The following LRMDA variants were observed in gnomAD, a reference collection of about 807,000 sequenced individuals.
LRMDA encodes the protein leucine-rich melanocyte differentiation-associated protein.
In LRMDA, 18 loss-of-function variants were observed where a neutral mutation model predicts 29.8. The ratio of observed to expected loss-of-function variants is 0.60; its 90% confidence interval spans 0.42 to 0.90. The LOEUF (loss-of-function observed/expected upper bound fraction) is 0.90. LRMDA is among the 40% of genes least tolerant of loss of function. The probability of loss-of-function intolerance (pLI) is 0.00; values close to 1 mark genes in which losing one functional copy is unlikely to be tolerated. For missense variants in LRMDA, 273 were observed against 273.9 expected (o/e 1.00, Z 0.02); for synonymous variants, 125 against 109.4 (o/e 1.14, Z -0.89).
rs147537608 is a variant in LRMDA, at chr10:75,523,341, G to T, written c.131+84847G>T. Among the ~76,000 whole-genome samples the T allele has an allele frequency of 1.2e-4, 19 of 152,320 alleles. No individual in the cohort carries two copies. The East Asian group carries it at 3.5e-3, about 28-fold the overall frequency. ...ATCCCATAACTACATGGTGGCTTAT[G>T]TGGGGGTTGGTGCTAAGCTTGCAGA... On this transcript the variant is annotated intron_variant, in intron 2 of 6. Coordinates refer to ENST00000611255, the MANE Select transcript of LRMDA (RefSeq NM_001305581.2).
At chr10:75,444,122 T>C (rs1844362103) in intron 2 of LRMDA, among the ~76,000 whole-genome samples, 1 of 152,224 alleles carries the variant, frequency 6.6e-6, no homozygotes, top group Non-Finnish European at 1.5e-5. Flanking sequence ...TTCTGGACTT[T>C]TGTTTGAAGT....
intron 2 of LRMDA, among the ~76,000 whole-genome samples, chr10:75,890,404 G>T (rs1370397867): frequency 6.6e-6 from 1 of 152,174 alleles, no homozygotes; most frequent in Non-Finnish European, 1.5e-5. Flanking sequence ...TAATAAAGAG[G>T]TAATATCAGG....
chr10:76,308,884 A>G (rs1452316819), intron 5 of LRMDA, among the ~76,000 whole-genome samples: 1 of 152,192 alleles, frequency 6.6e-6, no homozygotes, highest in African/African-American at 2.4e-5. Context: ...CTGCAGTCAA[A>G]CAAATCAATT....
chr10:76,055,096 A>G (rs1303149727), intron 4 of LRMDA, among the ~76,000 whole-genome samples: 1 of 141,660 alleles, frequency 7.1e-6, no homozygotes, highest in East Asian at 2.1e-4. Context: ...AAAAAAAAAG[A>G]AAAAGAAAAG....
At chr10:76,493,039 T>C (rs1273325122) in intron 6 of LRMDA, among the ~76,000 whole-genome samples, 1 of 151,992 alleles carries the variant, frequency 6.6e-6, no homozygotes, top group African/African-American at 2.4e-5. Flanking sequence ...CCACATGTGA[T>C]TGTTCAAGGC....
intron 2 of LRMDA, among the ~76,000 whole-genome samples, chr10:75,905,508 T>C (rs1273908164): frequency 6.6e-6 from 1 of 152,044 alleles, no homozygotes; most frequent in Non-Finnish European, 1.5e-5. Context: ...TCTTTAAAAA[T>C]TATATGAATG....
chr10:75,579,022 A>G (rs925868002), intron 2 of LRMDA, among the ~76,000 whole-genome samples: 16 of 152,188 alleles, frequency 1.1e-4, no homozygotes, highest in African/African-American at 3.1e-4. Flanking sequence ...AAGCAGGAGC[A>G]AACAAATTCA....
At chr10:76,235,571 C>T (rs1317685216) in intron 5 of LRMDA, among the ~76,000 whole-genome samples, 1 of 152,096 alleles carries the variant, frequency 6.6e-6, no homozygotes, top group Non-Finnish European at 1.5e-5. Context: ...GAATAGGTGA[C>T]AGCCTGCGAC....
chr10:76,140,644 C>G (rs1238077928), intron 5 of LRMDA, among the ~76,000 whole-genome samples: 1 of 152,030 alleles, frequency 6.6e-6, no homozygotes, highest in Non-Finnish European at 1.5e-5. Context: ...AGCTTCAGAA[C>G]CAAAGACTTT....
chr10:76,209,522 A>T (rs1315767592), intron 5 of LRMDA, among the ~76,000 whole-genome samples: 1 of 152,138 alleles, frequency 6.6e-6, no homozygotes, highest in Non-Finnish European at 1.5e-5. Context: ...GAGGGACTGG[A>T]TGTTACCATG....
intron 2 of LRMDA, among the ~76,000 whole-genome samples, chr10:75,823,698 G>A (rs1844202931): frequency 1.2e-5 from 1 of 80,364 alleles, no homozygotes; most frequent in African/African-American, 3.1e-5. Context: ...GTGTGTGTGT[G>A]TGTGTGTGTG....
chr10:75,571,554 T>C (rs1195270927), intron 2 of LRMDA, among the ~76,000 whole-genome samples: 3 of 152,224 alleles, frequency 2.0e-5, no homozygotes, highest in Non-Finnish European at 4.4e-5. Flanking sequence ...TAAAGGCCGA[T>C]GTTAGGATCC....
At chr10:75,812,934 C>A (rs908881502) in intron 2 of LRMDA, among the ~76,000 whole-genome samples, 3 of 152,138 alleles carry the variant, frequency 2.0e-5, no homozygotes. Context: ...CCCAGATGAA[C>A]CAAAGTAGGA....
rs142781864 is a variant in LRMDA at position 76,453,811 on chromosome 10, T to C, written c.602-103398T>C. On this transcript the variant is annotated intron_variant, in intron 6 of 6. Transcript: ENST00000611255. ...TGGCTGATTAGGGTTCTAATGTTCA[T>C]AATTGTACCATTTGATGCATTAAGA... Among the ~76,000 whole-genome samples the C allele has an allele frequency of 3.2e-3, 494 of 152,368 alleles. 1 individual carries two copies. Among genetic ancestry groups the C allele is most frequent in the African/African-American group, 0.011 (475 of 41,594 alleles).
At chr10:75,506,695 T>C (rs1845172024) in intron 2 of LRMDA, among the ~76,000 whole-genome samples, 1 of 152,240 alleles carries the variant, frequency 6.6e-6, no homozygotes, top group Non-Finnish European at 1.5e-5. Context: ...CAGCGCCATG[T>C]TGGTCCCTTG....
chr10:76,007,019 T>TGTGTGTGTGTGC (rs1847679336), intron 2 of LRMDA, among the ~76,000 whole-genome samples: 8 of 129,988 alleles, frequency 6.2e-5, no homozygotes, highest in African/African-American at 2.9e-4. Context: ...TGTGTGTGTG[T>TGTGTGTGTGTGC]GTGTGTGTGT....
chr10:75,680,747 C>T, intron 2 of LRMDA, among the ~76,000 whole-genome samples: 1 of 152,096 alleles, frequency 6.6e-6, no homozygotes, highest in Non-Finnish European at 1.5e-5. Context: ...CGGTGGCCCA[C>T]ACCTGTAATC....
chr10:75,635,113 T>C (rs375200468), intron 2 of LRMDA, among the ~76,000 whole-genome samples: 1 of 152,236 alleles, frequency 6.6e-6, no homozygotes, highest in African/African-American at 2.4e-5. Context: ...TTGGGACCTG[T>C]TTGGGGCAGT....
intron 6 of LRMDA, among the ~76,000 whole-genome samples, chr10:76,395,083 C>G (rs1841768067): frequency 1.3e-5 from 2 of 152,104 alleles, no homozygotes; most frequent in Non-Finnish European, 2.9e-5. Flanking sequence ...GCACATTCAC[C>G]TGACCTTGAA....
Sources: allele counts gnomAD v4.1 joint callset (sites outside exome capture counted in the v4.1 genomes callset), GRCh38; gene constraint gnomAD v4.1.1; transcripts MANE v1.5; gene names NCBI Gene and HGNC (gene_info 2026-07-23, HGNC 2026-07-21).